The following GRIA3 variants were observed in gnomAD, a reference collection of about 807,000 sequenced individuals.
The protein encoded by GRIA3 is glutamate ionotropic receptor AMPA type subunit 3, also known as glutamate receptor 3.
A neutral mutation model predicts 63.0 loss-of-function variants in GRIA3; 3 were observed. The observed-to-expected ratio is 0.05, with a 90% confidence interval of 0.02 to 0.12. GRIA3 has a LOEUF of 0.12. Ranked by LOEUF, GRIA3 falls within the 10% of genes least tolerant of loss-of-function variation. The probability of loss-of-function intolerance (pLI) is 1.00; values close to 1 mark genes in which losing one functional copy is unlikely to be tolerated. For synonymous variants in GRIA3, 274 were observed against 257.9 expected, an observed-to-expected ratio of 1.06 and a Z score of -0.60; for missense variants, 347 against 700.9, an observed-to-expected ratio of 0.50 and a Z score of 5.70.
At chrX:123,363,641 G>A (rs1167190777) in intron 5 of GRIA3, among the ~76,000 whole-genome samples, 1 of 112,346 alleles carries the variant, frequency 8.9e-6, no homozygotes, top group Non-Finnish European at 1.9e-5. Context: ...GACCCTGCAT[G>A]AACTGCTTAG....
chrX:123,428,671 T>A (rs1373862888), intron 12 of GRIA3, among the ~76,000 whole-genome samples: 1 of 112,004 alleles, frequency 8.9e-6, no homozygotes, highest in Non-Finnish European at 1.9e-5. Flanking sequence ...TGGTGATAAT[T>A]TCATTTTCAG....
intron 3 of GRIA3, among the ~76,000 whole-genome samples, chrX:123,295,450 G>A (rs909361993): frequency 3.6e-5 from 4 of 110,946 alleles, no homozygotes; most frequent in Non-Finnish European, 7.6e-5. Context: ...TGGATTTATT[G>A]CACATTTGAG....
chrX:123,207,927 C>A (rs1398793871), intron 2 of GRIA3, among the ~76,000 whole-genome samples: 1 of 112,099 alleles, frequency 8.9e-6, no homozygotes, highest in African/African-American at 3.2e-5. Flanking sequence ...GGTCACCTGG[C>A]TTCAAACTCA....
intron 2 of GRIA3, chrX:123,202,764 T>C: frequency 4.3e-6 from 5 of 1,166,079 alleles, no homozygotes; most frequent in Non-Finnish European, 5.7e-6. Context: ...CCGCCAAAAC[T>C]GGGCCTATTG....
At chrX:123,482,270 G>A (rs1350533600) in intron 14 of GRIA3, among the ~76,000 whole-genome samples, 1 of 112,006 alleles carries the variant, frequency 8.9e-6, no homozygotes, top group African/African-American at 3.2e-5. Context: ...AAAAATAGCA[G>A]GAACCTCTAA....
chrX:123,188,429 T>C (rs1048795058), intron 2 of GRIA3, among the ~76,000 whole-genome samples: 3 of 111,556 alleles, frequency 2.7e-5, no homozygotes, highest in Non-Finnish European at 5.6e-5. Context: ...TTAATTGTTC[T>C]TTTTCTTGTG....
chrX:123,388,505 C>T (rs762525144), intron 5 of GRIA3, among the ~76,000 whole-genome samples: 1 of 111,987 alleles, frequency 8.9e-6, no homozygotes, highest in East Asian at 2.8e-4. Flanking sequence ...CCTTGGCCTC[C>T]CAAAGTGTGG....
Position 123,209,656 on chromosome X carries a change from G to A in GRIA3, c.268+23666G>A, listed in dbSNP as rs147586014. Among the ~76,000 whole-genome samples the A allele has an allele frequency of 5.3e-3, 596 of 112,042 alleles. 6 individuals are homozygous for A. The highest frequency in any genetic ancestry group is 0.017 in the African/African-American group (530 of 30,851). On this transcript the variant is annotated intron_variant, in intron 2 of 15. Coordinates refer to ENST00000620443, the MANE Select transcript of GRIA3 (RefSeq NM_007325.5). ...ATATTTTCAAACCTGTTTCAATTTA[G>A]CCCAGTTAATAGGACTTCAAGGTAG...
chrX:123,318,171 G>C (rs1425515391), intron 3 of GRIA3, among the ~76,000 whole-genome samples: 1 of 112,009 alleles, frequency 8.9e-6, no homozygotes, highest in Non-Finnish European at 1.9e-5. Context: ...CGGGGACCCT[G>C]GGCCTGGCCC....
rs146799649 is a variant in GRIA3, at chrX:123,419,652, A to G, written c.1877+1874A>G. On this transcript the variant is annotated intron_variant, in intron 11 of 15. Coordinates refer to ENST00000620443, the MANE Select transcript of GRIA3 (RefSeq NM_007325.5). ...GAGCCTGAGTAAAGCAAGTACAGGG[A>G]TCACATCCAAGCTTTATTTAAAATT... Among the ~76,000 whole-genome samples the G allele has an allele frequency of 2.1e-3, 232 of 111,091 alleles. 1 individual carries two copies. Among genetic ancestry groups the G allele is most frequent in the African/African-American group, 7.4e-3 (225 of 30,597 alleles).
intron 2 of GRIA3, among the ~76,000 whole-genome samples, chrX:123,250,017 G>A (rs2044380221): frequency 9.0e-6 from 1 of 111,660 alleles, no homozygotes; most frequent in African/African-American, 3.3e-5. Context: ...TTGATATAAA[G>A]CTTTAAAACA....
chrX:123,318,267 T>C (rs1290301621), intron 3 of GRIA3, among the ~76,000 whole-genome samples: 2 of 111,783 alleles, frequency 1.8e-5, no homozygotes, highest in African/African-American at 6.5e-5. Context: ...GGAGACATTT[T>C]CCCCCCATGG....
intron 5 of GRIA3, among the ~76,000 whole-genome samples, chrX:123,372,120 T>C (rs180811033): frequency 8.9e-6 from 1 of 112,224 alleles, no homozygotes; most frequent in Non-Finnish European, 1.9e-5. Flanking sequence ...CCAGCACAAT[T>C]TATTGAAAAG....
At chrX:123,340,073 C>T (rs771360792) in intron 4 of GRIA3, among the ~76,000 whole-genome samples, 1 of 112,034 alleles carries the variant, frequency 8.9e-6, no homozygotes, top group Admixed American at 9.5e-5. Context: ...TACTCCAGTG[C>T]TCACACTCTT....
At chrX:123,339,127 G>A (rs926958778) in intron 4 of GRIA3, among the ~76,000 whole-genome samples, 3 of 112,104 alleles carry the variant, frequency 2.7e-5, no homozygotes, top group Non-Finnish European at 3.8e-5. Context: ...ATATCTAACA[G>A]AGATATTTTT....
At chrX:123,475,717 C>T (rs1312400616) in intron 13 of GRIA3, among the ~76,000 whole-genome samples, 2 of 112,172 alleles carry the variant, frequency 1.8e-5, no homozygotes, top group Non-Finnish European at 3.8e-5. Flanking sequence ...GACATTGCTG[C>T]ACCACAGTAA....
intron 11 of GRIA3, among the ~76,000 whole-genome samples, chrX:123,422,223 G>A (rs745636651): frequency 1.8e-5 from 2 of 112,120 alleles, no homozygotes; most frequent in African/African-American, 3.2e-5. Flanking sequence ...GTAAGAGACT[G>A]GGAAATCAGA....
chrX:123,414,857 T>C (rs1329874145), intron 10 of GRIA3, among the ~76,000 whole-genome samples: 1 of 111,582 alleles, frequency 9.0e-6, no homozygotes, highest in Non-Finnish European at 1.9e-5. Flanking sequence ...GTCTTTGCTA[T>C]TGTGAATAGT....
At chrX:123,463,671 A>G (rs1447863706) in intron 12 of GRIA3, among the ~76,000 whole-genome samples, 2 of 60,267 alleles carry the variant, frequency 3.3e-5, no homozygotes, top group Non-Finnish European at 5.8e-5. Flanking sequence ...AAAGAAAGAA[A>G]GAAAGAAAGA....
Sources: allele counts gnomAD v4.1 joint callset (sites outside exome capture counted in the v4.1 genomes callset), GRCh38; gene constraint gnomAD v4.1.1; transcripts MANE v1.5; gene names NCBI Gene and HGNC (gene_info 2026-07-23, HGNC 2026-07-21).